FOXP2: variants seen among roughly 807,000 people sequenced by gnomAD.
FOXP2 encodes the protein forkhead box protein P2.
A neutral mutation model predicts 115.8 loss-of-function variants in FOXP2; 12 were observed. That is an observed-to-expected ratio of 0.10 (90% CI 0.07 to 0.17). The LOEUF (loss-of-function observed/expected upper bound fraction) is 0.17, where lower values mean the gene tolerates loss of function less well. Among genes scored for constraint, FOXP2 ranks in the 10% least tolerant of loss-of-function variants. The probability of loss-of-function intolerance (pLI) is 1.00; values close to 1 mark genes in which losing one functional copy is unlikely to be tolerated. For synonymous variants in FOXP2, 328 were observed against 297.7 expected (o/e 1.10, Z -1.05); for missense variants, 629 against 843.5 (o/e 0.75, Z 3.15).
At chr7:114,271,547 A>G (rs1427778219) in intron 1 of FOXP2, among the ~76,000 whole-genome samples, 1 of 128,884 alleles carries the variant, frequency 7.8e-6, no homozygotes, top group African/African-American at 2.9e-5. Flanking sequence ...TTATAATTAT[A>G]TTATAATATA....
chr7:114,466,975 C>A (rs548918274), intron 2 of FOXP2, among the ~76,000 whole-genome samples: 18 of 152,298 alleles, frequency 1.2e-4, no homozygotes, highest in African/African-American at 4.1e-4. Flanking sequence ...TGCTAATGTT[C>A]AAAGCATAGA....
At position 114,422,876 on chromosome 7, in the gene FOXP2, G is replaced by T. The variant is rs572886500; in HGVS notation, c.-10-3626G>T. ...GGAAGAAATAAAACCAACAAGTCTAGCATTCAGTACTACCCTATCATAAAG... is the reference window on the plus strand; with the variant it reads ...GGAAGAAATAAAACCAACAAGTCTATCATTCAGTACTACCCTATCATAAAG... On this transcript the variant is annotated intron_variant, in intron 1 of 16. Transcript: ENST00000350908. Among the ~76,000 whole-genome samples, 3 of 151,650 alleles carry T rather than the reference G, an allele frequency of 2.0e-5. No homozygotes were observed. The South Asian group carries it at 6.2e-4, about 31-fold the overall frequency.
intron 2 of FOXP2, among the ~76,000 whole-genome samples, chr7:114,391,565 G>T (rs900194700): frequency 6.6e-6 from 1 of 152,196 alleles, no homozygotes; most frequent in African/African-American, 2.4e-5. Flanking sequence ...GGTGTCTGCA[G>T]AAACTGCCAT....
intron 1 of FOXP2, among the ~76,000 whole-genome samples, chr7:114,241,005 C>T (rs1795137804): frequency 6.6e-6 from 1 of 151,624 alleles, no homozygotes; most frequent in African/African-American, 2.4e-5. Context: ...CATGATTGGA[C>T]CTGTTTGACT....
chr7:114,231,502 A>T (rs759490872), intron 1 of FOXP2, among the ~76,000 whole-genome samples: 10 of 152,186 alleles, frequency 6.6e-5, no homozygotes, highest in Non-Finnish European at 1.0e-4. Context: ...TAATCAAAAC[A>T]GTATGGTACT....
chr7:114,668,906 T>G (rs1252427237), intron 16 of FOXP2: 2 of 152,088 alleles, frequency 1.3e-5, no homozygotes, highest in African/African-American at 4.8e-5. Context: ...TACAGGAGTA[T>G]AAAATCCAGG....
At chr7:114,654,792 T>C (rs1806480222) in intron 10 of FOXP2, among the ~76,000 whole-genome samples, 1 of 152,162 alleles carries the variant, frequency 6.6e-6, no homozygotes, top group Non-Finnish European at 1.5e-5. Flanking sequence ...CTGTATAGCC[T>C]GATGATTAAT....
At chr7:114,370,190 T>C (rs563022794) in intron 2 of FOXP2, among the ~76,000 whole-genome samples, 8 of 152,346 alleles carry the variant, frequency 5.3e-5, no homozygotes, top group African/African-American at 1.7e-4. Context: ...AACTTTTCTT[T>C]ATTACCTTGT....
chr7:114,382,646 T>A (rs1476866531), intron 2 of FOXP2, among the ~76,000 whole-genome samples: 2 of 152,176 alleles, frequency 1.3e-5, no homozygotes, highest in Non-Finnish European at 2.9e-5. Flanking sequence ...CTGATCTCTA[T>A]TATAAAAAAC....
intron 3 of FOXP2, among the ~76,000 whole-genome samples, chr7:114,592,207 T>C (rs1802473584): frequency 6.6e-6 from 1 of 152,094 alleles, no homozygotes; most frequent in Non-Finnish European, 1.5e-5. Flanking sequence ...GTGGCACTAT[T>C]GGTGGATAAA....
chr7:114,349,183 A>C (rs1382512586), intron 2 of FOXP2, among the ~76,000 whole-genome samples: 1 of 152,076 alleles, frequency 6.6e-6, no homozygotes, highest in Non-Finnish European at 1.5e-5. Context: ...CATGAAATGC[A>C]ACTAAGAACC....
intron 2 of FOXP2, among the ~76,000 whole-genome samples, chr7:114,305,105 A>C (rs1369255357): frequency 1.3e-5 from 2 of 152,168 alleles, no homozygotes; most frequent in African/African-American, 4.8e-5. Context: ...ATGTTGAATC[A>C]TTTAAAAGGT....
At chr7:114,190,124 C>T (rs900811786) in intron 1 of FOXP2, among the ~76,000 whole-genome samples, 7 of 152,288 alleles carry the variant, frequency 4.6e-5, no homozygotes, top group Non-Finnish European at 1.0e-4. Flanking sequence ...CTATCTTTCT[C>T]ACTGAATGAA....
At chr7:114,327,046 C>T (rs1797572259) in intron 2 of FOXP2, among the ~76,000 whole-genome samples, 2 of 152,318 alleles carry the variant, frequency 1.3e-5, no homozygotes, top group South Asian at 4.1e-4. Context: ...CATAGAAATT[C>T]ACTTCCTCTA....
At chr7:114,599,136 A>AT (rs35614324) in intron 3 of FOXP2, among the ~76,000 whole-genome samples, 17,320 of 152,116 alleles carry the variant, frequency 0.11, 1,081 homozygotes, top group Middle Eastern at 0.18. Flanking sequence ...GACAATGGCC[A>AT]TCTTTGTCTC....
chr7:114,144,775 A>G (rs1046894914), intron 1 of FOXP2, among the ~76,000 whole-genome samples: 1 of 152,136 alleles, frequency 6.6e-6, no homozygotes, highest in Non-Finnish European at 1.5e-5. Context: ...AAGAGTGATC[A>G]ATGAACAGGC....
At chr7:114,472,821 A>G (rs1485002717) in intron 2 of FOXP2, among the ~76,000 whole-genome samples, 1 of 152,174 alleles carries the variant, frequency 6.6e-6, no homozygotes, top group South Asian at 2.1e-4. Flanking sequence ...TGAGTTACCA[A>G]TAAAAATGTA....
chr7:114,101,167 T>C (rs1402658953), intron 1 of FOXP2, among the ~76,000 whole-genome samples: 2 of 152,192 alleles, frequency 1.3e-5, no homozygotes, highest in Non-Finnish European at 2.9e-5. Context: ...GTGTCACAAA[T>C]GAGGAACCCC....
At chr7:114,104,068 G>A (rs1353767195) in intron 1 of FOXP2, among the ~76,000 whole-genome samples, 5 of 151,570 alleles carry the variant, frequency 3.3e-5, no homozygotes, top group African/African-American at 9.7e-5. Flanking sequence ...TTTTTGGTTC[G>A]TAGGTCTAGG....
Sources: allele counts gnomAD v4.1 joint callset (sites outside exome capture counted in the v4.1 genomes callset), GRCh38; gene constraint gnomAD v4.1.1; transcripts MANE v1.5; gene names NCBI Gene and HGNC (gene_info 2026-07-23, HGNC 2026-07-21).